Variants in ITPR3 observed in about 807,000 individuals in gnomAD.
The protein encoded by ITPR3 is inositol 1,4,5-trisphosphate-gated calcium channel ITPR3.
ITPR3 carries 173 observed loss-of-function variants against 293.2 expected under a neutral mutation model. The ratio of observed to expected loss-of-function variants is 0.59; its 90% CI spans 0.52 to 0.67. ITPR3 has a LOEUF of 0.67. Ranked by LOEUF, ITPR3 falls within the 30% of genes least tolerant of loss-of-function variation. The pLI is 0.00. For missense variants in ITPR3, 2,796 were observed against 3,592.1 expected (o/e 0.78, Z 5.66); for synonymous variants, 1,295 against 1,444.4 (o/e 0.90, Z 2.35).
chr6:33,693,282 CCT>C (rs113148757), intron 55 of ITPR3, among the ~76,000 whole-genome samples: 8,305 of 152,276 alleles, frequency 0.055, 371 homozygotes, highest in African/African-American at 0.13. Context: ...TCGGGCTTCC[CCT>C]GAGTTCGAGA....
chr6:33,665,930 A>G lies in ITPR3; in HGVS notation c.1505A>G (p.Asn502Ser). ...CTGGACATCATGGTCACTAAGCCCA[A>G]CCGGGAACGGCAGAAGCTGATGAGG... ...NVLDIMVTKP[N>S]RERQKLMREQ... Residue 502 changes from asparagine (N) to serine (S), a missense_variant, in exon 14 of 58, where the codon AAC becomes AGC. Asn to Ser is a conservative substitution (Grantham distance 46). Transcript: ENST00000605930. 6.2e-7 allele frequency: 1 copy of G among 1,614,078 alleles called. No homozygotes were observed. Among genetic ancestry groups the G allele is most frequent in the Non-Finnish European group, 8.5e-7 (1 of 1,179,972 alleles).
At chr6:33,693,509 G>A (rs914920377) in intron 55 of ITPR3, 36 bp from the exon 56 acceptor site, 2 of 1,608,086 alleles carry the variant, frequency 1.2e-6, no homozygotes, top group Non-Finnish European at 8.5e-7. Context: ...GGCTCTTGAA[G>A]GCTGATGGTT....
intron 2 of ITPR3, among the ~76,000 whole-genome samples, chr6:33,649,726 C>A (rs1261386677): frequency 6.6e-6 from 1 of 152,190 alleles, no homozygotes; most frequent in Non-Finnish European, 1.5e-5. Flanking sequence ...GACTTGGATC[C>A]TCTACTCTGG....
chr6:33,633,771 C>T lies in ITPR3; in HGVS notation c.90-6713C>T, dbSNP rs573859150. On this transcript the variant is annotated intron_variant, in intron 1 of 57. Coordinates refer to ENST00000605930, the MANE Select transcript of ITPR3 (RefSeq NM_002224.4). This position sits in a 1 kb window ranked among gnomAD's most constrained non-coding sequence, Gnocchi z 5.2. ...GCGGGGGCGGGGGCGGGGCCGGGGC[C>T]GGGGCCGGACGCCCGGAGCTCGCGG... Among the ~76,000 whole-genome samples, 3 of 108,878 alleles carry T rather than the reference C, an allele frequency of 2.8e-5. No homozygotes were observed. The highest frequency in any genetic ancestry group is 9.2e-5 in the Admixed American group (1 of 10,872). The allele number at this position is 108,878 out of a possible 152,430, so 71.4% of individuals were successfully genotyped here.
In ITPR3 at chr6:33,666,692, A is replaced by G. The variant is rs1308908306; in HGVS notation, c.1552-437A>G. On this transcript the variant is annotated intron_variant, in intron 14 of 57. Coordinates refer to ENST00000605930, the MANE Select transcript of ITPR3 (RefSeq NM_002224.4). This position sits in a 1 kb window ranked among gnomAD's most constrained non-coding sequence, Gnocchi z 5.1. ...TCACTTTGGTCTCTGTTTCAGAACA[A>G]TTTTTCACCTCTCCACCCAGCCCCA... is the stretch of plus-strand genomic sequence containing the variant. Among the ~76,000 whole-genome samples the G allele has an allele frequency of 6.6e-6, 1 of 151,746 alleles. No individual in the cohort carries two copies. The highest frequency in any genetic ancestry group is 2.4e-5 in the African/African-American group (1 of 41,256).
At position 33,665,169 on chromosome 6, in the gene ITPR3, C is replaced by T. The variant is rs1372670040; in HGVS notation, c.1365C>T (p.Ala455=). 6.2e-6 allele frequency: 10 copies of T among 1,614,162 alleles called. No homozygotes were observed. Among genetic ancestry groups the T allele is most frequent in the South Asian group, 2.2e-5 (2 of 91,090 alleles). The change falls in exon 13 of 58, where the codon GCC becomes GCT. Residue 455 remains alanine (A), a synonymous_variant. Coordinates refer to ENST00000605930, the MANE Select transcript of ITPR3 (RefSeq NM_002224.4). Reference sequence around the variant, plus strand: ...ACGCCAGCTCCATGCTGGCCAGTGCCGTGGAGAAACTCAACGAGGGCTTCA... The same window carrying T: ...ACGCCAGCTCCATGCTGGCCAGTGCTGTGGAGAAACTCAACGAGGGCTTCA... The part of the protein sequence containing the change: ...ANDASSMLAS[A]VEKLNEGFIS...
chr6:33,691,027 C>G lies in ITPR3; in HGVS notation c.7143C>G (p.Tyr2381Ter). ...LTALLALILV[Y>*]LFSIVGFLFL... ...CCCTGCTGGCCCTCATCCTGGTCTA[C>G]CTCTTCTCCATCGTCGGCTTCCTCT... The change falls in exon 52 of 58, where the codon TAC (tyrosine) becomes TAG (stop). Residue 2381 changes from tyrosine to a stop codon, truncating the protein, a stop_gained. Coordinates refer to ENST00000605930, the MANE Select transcript of ITPR3 (RefSeq NM_002224.4). LOFTEE classifies it high-confidence loss of function. This position sits in a 1 kb window ranked among gnomAD's most constrained non-coding sequence, Gnocchi z 4.9. The G allele has an allele frequency of 6.2e-7, 1 of 1,614,230 alleles. No individual in the cohort carries two copies. Among genetic ancestry groups the G allele is most frequent in the Non-Finnish European group, 8.5e-7 (1 of 1,180,038 alleles).
rs763226777 is a variant in ITPR3 at position 33,691,865 on chromosome 6, C to G, written c.7395C>G (p.Val2465=). ...CDTLLMCIVT[V]MNHGLRNGGG... ...CTCTGTTGATGTGCATCGTCACTGTCATGAACCATGGGCTACGCAACGGTG... is the reference window on the plus strand; with the variant it reads ...CTCTGTTGATGTGCATCGTCACTGTGATGAACCATGGGCTACGCAACGGTG... The change falls in exon 54 of 58, where the codon GTC becomes GTG. Residue 2465 remains valine, a synonymous_variant. Transcript: ENST00000605930. This position sits in a 1 kb window ranked among gnomAD's most constrained non-coding sequence, Gnocchi z 4.9. 1 of 1,614,154 alleles carries G rather than the reference C, an allele frequency of 6.2e-7. No individual in the cohort carries two copies. Among genetic ancestry groups the G allele is most frequent in the South Asian group, 1.1e-5 (1 of 91,086 alleles).
chr6:33,663,089 A>G, intron 9 of ITPR3, 83 bp downstream of exon 9: 3 of 1,190,770 alleles, frequency 2.5e-6, no homozygotes, highest in African/African-American at 3.0e-5. Context: ...ACATACTTGC[A>G]TATGTGGCAC....
intron 2 of ITPR3, among the ~76,000 whole-genome samples, chr6:33,645,258 C>T (rs763473922): frequency 6.6e-6 from 1 of 151,988 alleles, no homozygotes; most frequent in East Asian, 1.9e-4. Context: ...CGCTTGAACC[C>T]GGGAGGCGGA....
At position 33,646,861 on chromosome 6, in the gene ITPR3, G is replaced by A. The variant is rs139680577; in HGVS notation, c.160+6307G>A. ...GAGGCCAGGAGGTCAAGTCTGCAGT[G>A]AGCCGTGATTGCACCACTGCTTTCC... On this transcript the variant is annotated intron_variant, in intron 2 of 57. Transcript: ENST00000605930. 9.0e-3 allele frequency among the ~76,000 whole-genome samples: 1,376 copies of A among 152,160 alleles called. 25 individuals are homozygous for A. Among genetic ancestry groups the A allele is most frequent in the African/African-American group, 0.027 (1,102 of 41,498 alleles).
chr6:33,663,457 T>A, intron 9 of ITPR3, 43 bp from the exon 10 acceptor site: 1 of 1,569,778 alleles, frequency 6.4e-7, no homozygotes, highest in African/African-American at 1.4e-5. Context: ...GTGGGTATAG[T>A]TTGGTGTCCA....
At position 33,682,482 on chromosome 6, in the gene ITPR3, G is replaced by C; in HGVS notation, c.4477-42G>C. ...TCCTGGACCTGGGGTTGCCCAGGGT[G>C]GGGGCCTGGGCTGCAGCAGCGGGCT... On this transcript the variant is annotated intron_variant, in intron 33 of 57. Coordinates refer to ENST00000605930, the MANE Select transcript of ITPR3 (RefSeq NM_002224.4). This position sits in a 1 kb window ranked among gnomAD's most constrained non-coding sequence, Gnocchi z 5.4. 1 of 1,479,322 alleles carries C rather than the reference G, an allele frequency of 6.8e-7. No individual in the cohort carries two copies. Among genetic ancestry groups the C allele is most frequent in the Non-Finnish European group, 9.0e-7 (1 of 1,114,986 alleles). 91.6% of individuals were successfully genotyped at this position (1,479,322 alleles called of 1,614,324 possible).
chr6:33,642,626 C>T (rs1407165496), intron 2 of ITPR3, among the ~76,000 whole-genome samples: 9 of 152,180 alleles, frequency 5.9e-5, no homozygotes, highest in Non-Finnish European at 8.8e-5. Context: ...AGAACAAATG[C>T]GCCTTTGACT....
rs1764550238 is a variant in ITPR3, at chr6:33,664,164, A to T, written c.1148+284A>T. Among the ~76,000 whole-genome samples the T allele has an allele frequency of 6.6e-6, 1 of 152,164 alleles. No homozygotes were observed. The highest frequency in any genetic ancestry group is 1.9e-4 in the East Asian group (1 of 5,194). ...GACACCAGCAGCACAGGGAACCCAAACACTGGATGGGAAGGCCAGACTCTC... is the reference window on the plus strand; with the variant it reads ...GACACCAGCAGCACAGGGAACCCAATCACTGGATGGGAAGGCCAGACTCTC... On this transcript the variant is annotated intron_variant, in intron 11 of 57. Transcript: ENST00000605930. This position sits in a 1 kb window ranked among gnomAD's most constrained non-coding sequence, Gnocchi z 4.4.
chr6:33,631,466 A>G (rs1763677607), intron 1 of ITPR3, among the ~76,000 whole-genome samples: 1 of 152,334 alleles, frequency 6.6e-6, no homozygotes, highest in Non-Finnish European at 1.5e-5. Context: ...GGAAGGCAGC[A>G]TATGTCAGCG....
rs750509436 is a variant in ITPR3, at chr6:33,679,855, G to A, written c.3973-27G>A. ...CCAGGGCTTGCTGGACCGAGAGAGT[G>A]TGACACGTGCCCCCTCCCACCCGCA... On this transcript the variant is annotated intron_variant, in intron 30 of 57. Coordinates refer to ENST00000605930, the MANE Select transcript of ITPR3 (RefSeq NM_002224.4). This position sits in a 1 kb window ranked among gnomAD's most constrained non-coding sequence, Gnocchi z 4.2. 1 of 1,596,054 alleles carries A rather than the reference G, an allele frequency of 6.3e-7. No individual in the cohort carries two copies. Among genetic ancestry groups the A allele is most frequent in the East Asian group, 2.2e-5 (1 of 44,628 alleles).
Position 33,695,876 on chromosome 6 carries a change from A to C in ITPR3, c.*96A>C, listed in dbSNP as rs547529816. Reference sequence around the variant, plus strand: ...CTCCCTCGGGTTGGGTGGCCCAGCCAGCTGGCCAGCCTCCACTCCCACTCT... The same window carrying C: ...CTCCCTCGGGTTGGGTGGCCCAGCCCGCTGGCCAGCCTCCACTCCCACTCT... On this transcript the variant is annotated 3_prime_UTR_variant, in exon 58 of 58. Coordinates refer to ENST00000605930, the MANE Select transcript of ITPR3 (RefSeq NM_002224.4). 10 of 1,233,512 alleles carry C rather than the reference A, an allele frequency of 8.1e-6. No homozygotes were observed. The highest frequency in any genetic ancestry group is 9.4e-6 in the Non-Finnish European group (8 of 852,140). 76.4% of individuals were successfully genotyped at this position (1,233,512 alleles called of 1,614,324 possible).
intron 56 of ITPR3, chr6:33,694,696 AAC>A: frequency 1.8e-6 from 1 of 547,460 alleles, no homozygotes; most frequent in South Asian, 2.3e-5. Flanking sequence ...GACGCTGCCT[AAC>A]GGAAGTCAGC....
Sources: gnomAD v4.1 joint callset for allele counts (sites outside exome capture counted in the v4.1 genomes callset) on GRCh38, gnomAD v4.1.1 for gene constraint, Gnocchi (gnomAD v3.1) non-coding constraint, MANE v1.5 for transcripts, NCBI Gene and HGNC (gene_info 2026-07-23, HGNC 2026-07-21) for gene names.